Variants in MAP7 observed in about 807,000 individuals in gnomAD.
MAP7 encodes ensconsin.
Under a neutral mutation model 94.8 loss-of-function variants are expected in MAP7, and 52 were observed. That is an observed-to-expected ratio of 0.55 (90% CI 0.44 to 0.69). The LOEUF (loss-of-function observed/expected upper bound fraction) is 0.69, where lower values mean the gene tolerates loss of function less well. Ranked by LOEUF, MAP7 falls within the 30% of genes least tolerant of loss-of-function variation. MAP7 has a pLI of 0.00. For synonymous variants in MAP7, 350 were observed against 357.0 expected, an observed-to-expected ratio of 0.98 and a Z score of 0.22; for missense variants, 940 against 964.6, an observed-to-expected ratio of 0.97 and a Z score of 0.34.
At chr6:136,441,385 G>A (rs1797823528) in intron 1 of MAP7, among the ~76,000 whole-genome samples, 1 of 152,086 alleles carries the variant, frequency 6.6e-6, no homozygotes, top group South Asian at 2.1e-4. Context: ...GGAAATAATA[G>A]AGCAGAAAAT....
At chr6:136,405,207 G>C (rs972049621) in intron 3 of MAP7, among the ~76,000 whole-genome samples, 4 of 152,094 alleles carry the variant, frequency 2.6e-5, no homozygotes, top group Non-Finnish European at 5.9e-5. Context: ...CTACAGAAAT[G>C]AAAAAAAGAC....
intron 3 of MAP7, among the ~76,000 whole-genome samples, chr6:136,392,728 T>C (rs1781152278): frequency 6.6e-6 from 1 of 152,166 alleles, no homozygotes; most frequent in Non-Finnish European, 1.5e-5. Context: ...TCATACCAAT[T>C]TATATACCCA....
chr6:136,547,110 G>A (rs1291586783), intron 1 of MAP7, among the ~76,000 whole-genome samples: 2 of 152,122 alleles, frequency 1.3e-5, no homozygotes, highest in Admixed American at 6.5e-5. Flanking sequence ...TATTTAATGT[G>A]GACCCTTAGA....
intron 1 of MAP7, among the ~76,000 whole-genome samples, chr6:136,448,648 C>T (rs1292321963): frequency 2.0e-5 from 3 of 151,840 alleles, no homozygotes; most frequent in East Asian, 2.0e-4. Context: ...CTCCTGATCT[C>T]GTGATCTTCC....
At chr6:136,500,623 T>C (rs1819569217) in intron 1 of MAP7, among the ~76,000 whole-genome samples, 1 of 152,228 alleles carries the variant, frequency 6.6e-6, no homozygotes, top group Admixed American at 6.5e-5. Context: ...TAGCAAAGTG[T>C]TGTACTTGTG....
At chr6:136,496,095 C>CATA (rs1445066491) in intron 1 of MAP7, among the ~76,000 whole-genome samples, 100 of 152,306 alleles carry the variant, frequency 6.6e-4, no homozygotes, top group African/African-American at 2.2e-3. Flanking sequence ...AACAGGTATA[C>CATA]TTCTTTTGTC....
At chr6:136,398,180 G>A (rs971136652) in intron 3 of MAP7, among the ~76,000 whole-genome samples, 2 of 152,214 alleles carry the variant, frequency 1.3e-5, no homozygotes. Flanking sequence ...GTACTGTGGT[G>A]GATAGAGGAC....
Position 136,359,993 on chromosome 6 carries a change from T to G in MAP7, c.1842A>C (p.Glu614Asp). Residue 614 changes from glutamate (E) to aspartate (D), a missense_variant, in exon 14 of 18, where the codon GAA (glutamate) becomes GAC (aspartate). Coordinates refer to ENST00000354570, the MANE Select transcript of MAP7 (RefSeq NM_003980.6). Reference sequence around the variant, plus strand: ...GCCATGTCAATACCTTATCTGTAGCTTCTGTTCTCCTGGTTCTTTTCATAA... The same window carrying G: ...GCCATGTCAATACCTTATCTGTAGCGTCTGTTCTCCTGGTTCTTTTCATAA... ...EEIMKRTRRT[E>D]ATDKKTSDQR... The G allele has an allele frequency of 6.2e-7, 1 of 1,613,606 alleles. No individual in the cohort carries two copies. The highest frequency in any genetic ancestry group is 1.1e-5 in the South Asian group (1 of 90,844).
chr6:136,369,289 T>C (rs1795029445), intron 8 of MAP7, among the ~76,000 whole-genome samples: 1 of 152,152 alleles, frequency 6.6e-6, no homozygotes, highest in African/African-American at 2.4e-5. Flanking sequence ...TATAGATATA[T>C]GGGGCTGGGC....
At chr6:136,411,727 T>C (rs1310725989) in intron 2 of MAP7, 30 bp from the exon 3 acceptor site, 1 of 1,486,404 alleles carries the variant, frequency 6.7e-7, no homozygotes, top group South Asian at 1.3e-5. Flanking sequence ...AAACATGAGA[T>C]GAAGAGTGGA....
At chr6:136,360,152 A>C (rs969163859) in intron 13 of MAP7, 121 bp from the exon 14 acceptor site, 39 of 737,084 alleles carry the variant, frequency 5.3e-5, no homozygotes, top group Middle Eastern at 3.7e-4. Flanking sequence ...TACAATATGC[A>C]CTTTTTTTTT....
At chr6:136,391,214 T>C (rs1582768125) in intron 3 of MAP7, among the ~76,000 whole-genome samples, 1 of 151,730 alleles carries the variant, frequency 6.6e-6, no homozygotes, top group South Asian at 2.1e-4. Context: ...TGGAATACTA[T>C]GCAGCCATAA....
intron 1 of MAP7, among the ~76,000 whole-genome samples, chr6:136,427,663 T>C (rs904088842): frequency 6.6e-6 from 1 of 152,264 alleles, no homozygotes; most frequent in Non-Finnish European, 1.5e-5. Context: ...CATCTGATAA[T>C]GATACATATT....
chr6:136,498,011 T>A (rs1022182196), intron 1 of MAP7, among the ~76,000 whole-genome samples: 1 of 151,780 alleles, frequency 6.6e-6, no homozygotes, highest in Admixed American at 6.6e-5. Flanking sequence ...CAAATAAACC[T>A]CCTAAAATGA....
intron 1 of MAP7, among the ~76,000 whole-genome samples, chr6:136,549,840 C>T (rs895527382): frequency 4.6e-5 from 7 of 152,192 alleles, no homozygotes; most frequent in Non-Finnish European, 7.4e-5. Context: ...GCTCACCCCG[C>T]GGTCCTGCCC....
chr6:136,377,773 C>T lies in MAP7; in HGVS notation c.733G>A (p.Ala245Thr). The change falls in exon 7 of 18, where the codon GCC (alanine) becomes ACC (threonine). Residue 245 changes from alanine to threonine, a missense_variant. Physicochemically the swap from Ala to Thr is moderately conservative, Grantham distance 58. Coordinates refer to ENST00000354570, the MANE Select transcript of MAP7 (RefSeq NM_003980.6). ...SFLARSKSTAALSGEAASCSP... is the reference protein window; with the variant it reads ...SFLARSKSTATLSGEAASCSP... ...GTTTTACCTGCTTCTCCAGACAAGG[C>T]AGCTGTGCTTTTACTTCTGGCCAGG... The T allele has an allele frequency of 1.2e-6, 2 of 1,613,996 alleles. No individual in the cohort carries two copies. The highest frequency in any genetic ancestry group is 8.5e-7 in the Non-Finnish European group (1 of 1,179,878).
At chr6:136,389,554 ATC>A in intron 3 of MAP7, 37 bp from the exon 4 acceptor site, 1 of 1,583,812 alleles carries the variant, frequency 6.3e-7, no homozygotes. Flanking sequence ...AAAGAGGGAA[ATC>A]AAATATAGGC....
rs183742217 is a variant in MAP7, at chr6:136,391,151, G to A, written c.245-1634C>T. 4.4e-3 allele frequency among the ~76,000 whole-genome samples: 662 copies of A among 151,904 alleles called. 20 individuals are homozygous for A. The highest frequency in any genetic ancestry group is 0.04 in the Admixed American group (608 of 15,240). ...AGTCTTTGCTATTGTGAATAGTGCC[G>A]CAATAAACAACAATGATAGACTGGA... On this transcript the variant is annotated intron_variant, in intron 3 of 17. Transcript: ENST00000354570.
chr6:136,351,502 C>T (rs1789202827), intron 16 of MAP7, among the ~76,000 whole-genome samples: 1 of 152,172 alleles, frequency 6.6e-6, no homozygotes, highest in Non-Finnish European at 1.5e-5. Context: ...AAAGTATCTC[C>T]ATGTCCAGAT....
Sources: allele counts gnomAD v4.1 joint callset (sites outside exome capture counted in the v4.1 genomes callset), GRCh38; gene constraint gnomAD v4.1.1; transcripts MANE v1.5; gene names NCBI Gene and HGNC (gene_info 2026-07-23, HGNC 2026-07-21).